ARHGEF4: variants seen among roughly 807,000 people sequenced by gnomAD.
The protein encoded by ARHGEF4 is APC-stimulated guanine nucleotide exchange factor 1.
In ARHGEF4, 119 loss-of-function variants were observed where a neutral mutation model predicts 162.0. That is an observed-to-expected ratio of 0.73 (90% CI 0.63 to 0.86). The LOEUF is 0.86. Ranked by LOEUF, ARHGEF4 falls within the 40% of genes least tolerant of loss-of-function variation. The pLI is 0.00. For synonymous variants in ARHGEF4, 1,014 were observed against 979.9 expected, an observed-to-expected ratio of 1.03 and a Z score of -0.65; for missense variants, 2,488 against 2,456.0, an observed-to-expected ratio of 1.01 and a Z score of -0.28.
chr2:131,031,470 C>T (rs1277475966), intron 5 of ARHGEF4, among the ~76,000 whole-genome samples: 2 of 152,322 alleles, frequency 1.3e-5, no homozygotes, highest in African/African-American at 2.4e-5. Context: ...GTCAGGGACG[C>T]ACCAGGTCCT....
intron 4 of ARHGEF4, among the ~76,000 whole-genome samples, chr2:130,996,263 ACT>A (rs1183254118): frequency 1.3e-4 from 20 of 152,154 alleles, no homozygotes; most frequent in Non-Finnish European, 2.4e-4. Context: ...AGCCCTGCAC[ACT>A]CGGCTTACCT....
intron 4 of ARHGEF4, among the ~76,000 whole-genome samples, chr2:130,963,429 G>A (rs1281812141): frequency 6.6e-6 from 1 of 152,056 alleles, no homozygotes; most frequent in Non-Finnish European, 1.5e-5. Flanking sequence ...GGATGGCGTG[G>A]GAGGCGCCGC....
intron 2 of ARHGEF4, among the ~76,000 whole-genome samples, chr2:130,924,365 C>T (rs1418629874): frequency 6.6e-6 from 1 of 150,728 alleles, no homozygotes; most frequent in Non-Finnish European, 1.5e-5. Context: ...CTCCCGGGTT[C>T]GAATTATTCT....
At chr2:130,997,750 T>C (rs902943609) in intron 4 of ARHGEF4, among the ~76,000 whole-genome samples, 1 of 152,206 alleles carries the variant, frequency 6.6e-6, no homozygotes, top group African/African-American at 2.4e-5. Context: ...CTCAAATTTG[T>C]TCCAAAATGA....
Position 130,987,869 on chromosome 2 carries a change from C to T in ARHGEF4, c.3986-40076C>T, listed in dbSNP as rs985916408. Among the ~76,000 whole-genome samples, 6 of 152,188 alleles carry T rather than the reference C, an allele frequency of 3.9e-5. No homozygotes were observed. The South Asian group carries it at 1.0e-3, about 26-fold the overall frequency. ...TGATCTTTGAATTTATTTTAAGAGA[C>T]GTCTTGGGAGCTGTTGGAGTACTGT... On this transcript the variant is annotated intron_variant, in intron 4 of 13. Transcript: ENST00000409359.
chr2:131,003,403 C>G (rs10203303), intron 4 of ARHGEF4, among the ~76,000 whole-genome samples: 39,238 of 152,160 alleles, frequency 0.26, 7,183 homozygotes, highest in African/African-American at 0.5. Context: ...TTGATCGTGA[C>G]ACGCATCTCT....
intron 3 of ARHGEF4, among the ~76,000 whole-genome samples, chr2:130,937,914 G>A (rs959052685): frequency 4.6e-5 from 7 of 151,978 alleles, no homozygotes; most frequent in South Asian, 2.1e-4. Flanking sequence ...TGATCTGGCC[G>A]CCTCGGCCTC....
intron 1 of ARHGEF4, among the ~76,000 whole-genome samples, chr2:130,913,027 T>C (rs970450942): frequency 3.3e-5 from 5 of 152,164 alleles, no homozygotes; most frequent in Admixed American, 3.3e-4. Context: ...TAGGTATGCA[T>C]GTATAGGAAG....
chr2:130,966,688 G>A (rs1460548290), intron 4 of ARHGEF4, among the ~76,000 whole-genome samples: 2 of 152,122 alleles, frequency 1.3e-5, no homozygotes, highest in Admixed American at 1.3e-4. Flanking sequence ...GTGGTGCGTT[G>A]GAATAGTCCT....
Position 131,040,394 on chromosome 2 carries a change from G to T in ARHGEF4, c.4616G>T (p.Arg1539Leu). The part of the protein sequence containing the change: ...FVKALEQRFN[R>L]ERPHLSELGA... The stretch of plus-strand genomic sequence containing the variant: ...AAGGCCCTGGAGCAGAGGTTCAACC[G>T]CGAGCGCCCACACCTGAGCGAGCTG... Residue 1539 changes from arginine to leucine, a missense_variant, in exon 8 of 14, where the codon CGC becomes CTC. Around this residue, in one of 6 missense-constraint regions of ARHGEF4, gnomAD observed 415 missense variants for 512.4 expected, o/e 0.81. Coordinates refer to ENST00000409359, the MANE Select transcript of ARHGEF4 (RefSeq NM_001367493.1). 1 of 1,608,168 alleles carries T rather than the reference G, an allele frequency of 6.2e-7. No homozygotes were observed. The highest frequency in any genetic ancestry group is 8.5e-7 in the Non-Finnish European group (1 of 1,177,802).
chr2:130,995,304 C>T (rs562460518), intron 4 of ARHGEF4, among the ~76,000 whole-genome samples: 35 of 152,294 alleles, frequency 2.3e-4, no homozygotes, highest in African/African-American at 8.2e-4. Context: ...TGTTGTTAAA[C>T]ATATTCATTG....
At chr2:130,995,953 G>A (rs942064536) in intron 4 of ARHGEF4, among the ~76,000 whole-genome samples, 11 of 150,348 alleles carry the variant, frequency 7.3e-5, no homozygotes, top group Admixed American at 2.0e-4. Flanking sequence ...GCAGTGGCGC[G>A]ATCTCGGCTT....
chr2:130,880,701 A>G (rs1484865879), intron 1 of ARHGEF4, among the ~76,000 whole-genome samples: 1 of 152,084 alleles, frequency 6.6e-6, no homozygotes, highest in Non-Finnish European at 1.5e-5. Context: ...CATCCAGCTA[A>G]TTTTTAAATT....
At chr2:130,908,085 CAT>C (rs1253206098) in intron 1 of ARHGEF4, among the ~76,000 whole-genome samples, 1 of 152,066 alleles carries the variant, frequency 6.6e-6, no homozygotes, top group Non-Finnish European at 1.5e-5. Flanking sequence ...TATCCATGAG[CAT>C]GGAATGTTTT....
intron 1 of ARHGEF4, among the ~76,000 whole-genome samples, chr2:130,867,331 C>T (rs1195164831): frequency 1.3e-5 from 2 of 151,752 alleles, no homozygotes; most frequent in African/African-American, 2.4e-5. Flanking sequence ...CTCCGTCTCC[C>T]GGGTTCAAGT....
At chr2:131,032,215 G>T (rs74772307) in intron 5 of ARHGEF4, among the ~76,000 whole-genome samples, 12,274 of 151,850 alleles carry the variant, frequency 0.081, 673 homozygotes, top group African/African-American at 0.16. Flanking sequence ...CGAGGAGGGG[G>T]AACAAGAGCC....
chr2:130,978,751 CAA>C (rs879858758), intron 4 of ARHGEF4, among the ~76,000 whole-genome samples: 2 of 123,198 alleles, frequency 1.6e-5, no homozygotes, highest in African/African-American at 3.0e-5. Context: ...TAAATAGCTC[CAA>C]AAAAAAAAAA....
intron 5 of ARHGEF4, chr2:131,035,587 T>C (rs1383492739): frequency 1.2e-6 from 1 of 846,198 alleles, no homozygotes; most frequent in African/African-American, 1.8e-5. Context: ...GGAAACGGAG[T>C]GCATGTGACC....
At chr2:131,012,833 G>A (rs927942011) in intron 4 of ARHGEF4, among the ~76,000 whole-genome samples, 1 of 152,118 alleles carries the variant, frequency 6.6e-6, no homozygotes, top group African/African-American at 2.4e-5. Flanking sequence ...CGCCCACCTT[G>A]GCCTCCCAAA....
Sources: gnomAD v4.1 joint callset for allele counts (sites outside exome capture counted in the v4.1 genomes callset) on GRCh38, gnomAD v4.1.1 for gene constraint, gnomAD v4.1.1 regional missense constraint, MANE v1.5 for transcripts, NCBI Gene and HGNC (gene_info 2026-07-23, HGNC 2026-07-21) for gene names.